The following HMCN1 variants were observed in gnomAD, a reference collection of about 807,000 sequenced individuals.
HMCN1 encodes the protein hemicentin 1.
HMCN1 carries 321 observed loss-of-function variants against 625.9 expected under a neutral mutation model. That is an observed-to-expected ratio of 0.51 (90% CI 0.47 to 0.56). The LOEUF (loss-of-function observed/expected upper bound fraction) is 0.56, where lower values mean the gene tolerates loss of function less well. Ranked by LOEUF, HMCN1 falls within the 20% of genes least tolerant of loss-of-function variation. The probability of loss-of-function intolerance (pLI) is 0.00; values close to 1 mark genes in which losing one functional copy is unlikely to be tolerated. For synonymous variants in HMCN1, 2,425 were observed against 2,417.6 expected (o/e 1.00, Z -0.09); for missense variants, 6,588 against 6,887.3 (o/e 0.96, Z 1.54).
At chr1:185,917,430 A>T (rs556186113) in intron 6 of HMCN1, among the ~76,000 whole-genome samples, 2 of 152,242 alleles carry the variant, frequency 1.3e-5, no homozygotes, top group East Asian at 3.9e-4. Flanking sequence ...GGTAAATATC[A>T]TTTTTTTGAA....
At chr1:186,162,855 G>C (rs186714293) in intron 97 of HMCN1, among the ~76,000 whole-genome samples, 1 of 152,204 alleles carries the variant, frequency 6.6e-6, no homozygotes, top group Non-Finnish European at 1.5e-5. Context: ...GGCTGCTCAG[G>C]GGTCAGGGAC....
At chr1:186,062,084 C>T (rs1657742351) in intron 47 of HMCN1, 120 bp downstream of exon 47, 2 of 641,262 alleles carry the variant, frequency 3.1e-6, no homozygotes, top group East Asian at 2.7e-5. Context: ...TGGACTGTGA[C>T]TCTTGGCAAG....
intron 47 of HMCN1, 59 bp from the exon 48 acceptor site, chr1:186,062,455 T>C: frequency 1.0e-6 from 1 of 990,878 alleles, no homozygotes; most frequent in Non-Finnish European, 1.6e-6. Context: ...CATAAATATC[T>C]ATAAAATAGC....
chr1:185,989,793 T>TC, intron 21 of HMCN1, 146 bp downstream of exon 21: 3 of 716,030 alleles, frequency 4.2e-6, no homozygotes, highest in Non-Finnish European at 6.6e-6. Context: ...TTTTTTTTTT[T>TC]ACAGAAATGC....
chr1:185,972,176 G>A (rs12095309), intron 15 of HMCN1, among the ~76,000 whole-genome samples: 24,397 of 152,160 alleles, frequency 0.16, 5,647 homozygotes, highest in African/African-American at 0.51. Flanking sequence ...AGACTTGTCT[G>A]GCTCTAGAGG....
At chr1:185,923,785 T>C (rs1236797181) in intron 8 of HMCN1, 132 bp downstream of exon 8, 9 of 756,130 alleles carry the variant, frequency 1.2e-5, no homozygotes, top group Non-Finnish European at 2.0e-5. Flanking sequence ...AATTGATGGA[T>C]ATTTACATGT....
At chr1:185,796,523 CTTTCTG>C (rs1316331779) in intron 1 of HMCN1, among the ~76,000 whole-genome samples, 1 of 152,194 alleles carries the variant, frequency 6.6e-6, no homozygotes, top group Non-Finnish European at 1.5e-5. Context: ...GAGAATCTGA[CTTTCTG>C]TTTCTGAGTT....
In HMCN1 at chr1:185,945,123, G is replaced by T. The variant is rs139450137; in HGVS notation, c.1828+11299G>T. On this transcript the variant is annotated intron_variant, in intron 11 of 106. Coordinates refer to ENST00000271588, the MANE Select transcript of HMCN1 (RefSeq NM_031935.3). ...ACTATTATAAATAAAAATTGAATTA[G>T]AGCTAATATTACAAAGGAGGAATAT... 7.5e-3 allele frequency among the ~76,000 whole-genome samples: 1,135 copies of T among 152,162 alleles called. 10 individuals are homozygous for T. Among genetic ancestry groups the T allele is most frequent in the Non-Finnish European group, 9.2e-3 (624 of 67,990 alleles).
intron 10 of HMCN1, among the ~76,000 whole-genome samples, chr1:185,931,694 A>T (rs943597796): frequency 1.3e-5 from 2 of 152,140 alleles, no homozygotes; most frequent in African/African-American, 2.4e-5. Context: ...GTAAGGGCCT[A>T]CAGGGAGGGC....
At chr1:185,983,115 C>A (rs1025206035) in intron 18 of HMCN1, among the ~76,000 whole-genome samples, 1 of 151,962 alleles carries the variant, frequency 6.6e-6, no homozygotes, top group Non-Finnish European at 1.5e-5. Context: ...TTAAACATAT[C>A]TCTCATTATG....
intron 71 of HMCN1, among the ~76,000 whole-genome samples, chr1:186,111,374 G>A (rs1042761734): frequency 6.6e-6 from 1 of 152,080 alleles, no homozygotes; most frequent in South Asian, 2.1e-4. Context: ...TCTGAGCCAG[G>A]TGTGGTGGTT....
chr1:185,966,045 G>A, intron 14 of HMCN1, 130 bp downstream of exon 14: 1 of 693,212 alleles, frequency 1.4e-6, no homozygotes, highest in East Asian at 2.7e-5. Flanking sequence ...GATCTCACTG[G>A]AGACAATAGT....
At chr1:185,915,758 C>A (rs1666664007) in intron 6 of HMCN1, among the ~76,000 whole-genome samples, 2 of 151,918 alleles carry the variant, frequency 1.3e-5, no homozygotes, top group Non-Finnish European at 2.9e-5. Context: ...ATTAAATTAA[C>A]CTTGAGTCTA....
intron 18 of HMCN1, 67 bp downstream of exon 18, chr1:185,982,456 T>C (rs1270665466): frequency 1.4e-5 from 20 of 1,428,582 alleles, no homozygotes; most frequent in South Asian, 1.2e-4. Context: ...TTTTTTTTTT[T>C]CTTTGAGACA....
Position 186,145,503 on chromosome 1 carries a change from C to T in HMCN1, c.14367C>T (p.Pro4789=). 6.2e-7 allele frequency: 1 copy of T among 1,614,068 alleles called. No homozygotes were observed. The highest frequency in any genetic ancestry group is 8.5e-7 in the Non-Finnish European group (1 of 1,179,992). The change falls in exon 92 of 107, where the codon CCC becomes CCT. Residue 4789 remains proline, a synonymous_variant. Transcript: ENST00000271588. ...ACCGCACATGTGATAACCCTCCTCC[C>T]TCCAATGGGGGAAGAGCTTGTGGGG... ...RRYRTCDNPP[P]SNGGRACGGP...
At chr1:185,744,115 A>G (rs1039455285) in intron 1 of HMCN1, among the ~76,000 whole-genome samples, 2 of 150,088 alleles carry the variant, frequency 1.3e-5, no homozygotes, top group African/African-American at 2.4e-5. Context: ...CAGCCTCCGG[A>G]GTAGCTGGGA....
At chr1:185,772,233 G>A (rs1656291963) in intron 1 of HMCN1, among the ~76,000 whole-genome samples, 1 of 152,096 alleles carries the variant, frequency 6.6e-6, no homozygotes, top group African/African-American at 2.4e-5. Flanking sequence ...TTCTGTGAGT[G>A]ATGAAGAACC....
chr1:185,809,515 T>C (rs1659378836), intron 1 of HMCN1, among the ~76,000 whole-genome samples: 1 of 151,648 alleles, frequency 6.6e-6, no homozygotes, highest in African/African-American at 2.4e-5. Flanking sequence ...AGGCATAATA[T>C]ATATATATAA....
At chr1:186,089,763 C>T (rs1483094155) in intron 63 of HMCN1, among the ~76,000 whole-genome samples, 1 of 150,054 alleles carries the variant, frequency 6.7e-6, no homozygotes, top group Non-Finnish European at 1.5e-5. Context: ...ATTAGATACT[C>T]ATTATAGGAT....
Sources: allele counts gnomAD v4.1 joint callset (sites outside exome capture counted in the v4.1 genomes callset), GRCh38; gene constraint gnomAD v4.1.1; transcripts MANE v1.5; gene names NCBI Gene and HGNC (gene_info 2026-07-23, HGNC 2026-07-21).